CABIN1: variants seen among roughly 807,000 people sequenced by gnomAD.
CABIN1 encodes the protein calcineurin-binding protein cabin-1.
A neutral mutation model predicts 227.7 loss-of-function variants in CABIN1; 133 were observed. The observed-to-expected ratio is 0.58, with a 90% CI of 0.51 to 0.67. CABIN1 has a LOEUF of 0.67. Among genes scored for constraint, CABIN1 ranks in the 30% least tolerant of loss-of-function variants. The pLI is 0.00. For missense variants in CABIN1, 2,408 were observed against 2,852.5 expected (o/e 0.84, Z 3.55); for synonymous variants, 1,086 against 1,155.1 (o/e 0.94, Z 1.21).
chr22:24,098,688 G>A (rs992663542), intron 26 of CABIN1, among the ~76,000 whole-genome samples: 25 of 152,166 alleles, frequency 1.6e-4, no homozygotes, highest in Non-Finnish European at 1.3e-4. Flanking sequence ...GGGGTCACCT[G>A]GGACCATATG....
chr22:24,049,639 C>G (rs1203686250), intron 7 of CABIN1, among the ~76,000 whole-genome samples: 2 of 152,196 alleles, frequency 1.3e-5, no homozygotes, highest in Admixed American at 1.3e-4. Flanking sequence ...ATAGCCCATG[C>G]TCAGTTGCAT....
intron 28 of CABIN1, among the ~76,000 whole-genome samples, chr22:24,122,327 T>C (rs1373273185): frequency 6.6e-6 from 1 of 152,184 alleles, no homozygotes; most frequent in Non-Finnish European, 1.5e-5. Flanking sequence ...CCAGAAGAGT[T>C]TTGGATTTTG....
At chr22:24,146,431 C>G (rs1390758146) in intron 29 of CABIN1, among the ~76,000 whole-genome samples, 1 of 152,230 alleles carries the variant, frequency 6.6e-6, no homozygotes, top group Non-Finnish European at 1.5e-5. Flanking sequence ...CCCCCGTGTT[C>G]AGCCTGGAGC....
chr22:24,123,064 A>G (rs1201219558), intron 28 of CABIN1, among the ~76,000 whole-genome samples: 6 of 152,044 alleles, frequency 3.9e-5, no homozygotes, highest in Non-Finnish European at 7.4e-5. Context: ...TTTTGCTCTT[A>G]CCATGAATGC....
chr22:24,160,087 C>T (rs1284449644), intron 29 of CABIN1, among the ~76,000 whole-genome samples: 1 of 152,176 alleles, frequency 6.6e-6, no homozygotes. Flanking sequence ...TCCCACTTTG[C>T]ATCACTAGGC....
chr22:24,132,930 G>A (rs1186160161), intron 28 of CABIN1, among the ~76,000 whole-genome samples: 1 of 152,160 alleles, frequency 6.6e-6, no homozygotes, highest in African/African-American at 2.4e-5. Flanking sequence ...TTCCTCCTAG[G>A]GTGCTAGAGC....
intron 27 of CABIN1, among the ~76,000 whole-genome samples, chr22:24,117,674 T>C (rs949786431): frequency 3.3e-5 from 5 of 152,334 alleles, no homozygotes; most frequent in Admixed American, 2.6e-4. Flanking sequence ...GCTGTTTTCT[T>C]CCTCTTTATG....
At chr22:24,097,836 C>CTGTG (rs1466507401) in intron 25 of CABIN1, among the ~76,000 whole-genome samples, 178 bp from the exon 26 acceptor site, 1 of 152,210 alleles carries the variant, frequency 6.6e-6, no homozygotes, top group Admixed American at 6.5e-5. Context: ...GAGCCAGAGC[C>CTGTG]TGTGTGGGTG....
chr22:24,137,785 TG>T (rs143256287), intron 29 of CABIN1, among the ~76,000 whole-genome samples: 6,523 of 152,334 alleles, frequency 0.043, 269 homozygotes, highest in African/African-American at 0.1. Context: ...TTCCCAAGTC[TG>T]GGGAAACTGC....
At chr22:24,115,325 T>G (rs2043021557) in intron 27 of CABIN1, among the ~76,000 whole-genome samples, 1 of 152,170 alleles carries the variant, frequency 6.6e-6, no homozygotes, top group Admixed American at 6.5e-5. Context: ...TCTAGACTCA[T>G]GAAGAGTGTC....
intron 13 of CABIN1, 126 bp from the exon 14 acceptor site, chr22:24,062,833 T>A: frequency 1.1e-6 from 1 of 892,864 alleles, no homozygotes; most frequent in African/African-American, 1.6e-5. Context: ...GCTGTAGGGC[T>A]CTGAGGGGCT....
intron 28 of CABIN1, among the ~76,000 whole-genome samples, chr22:24,128,758 T>C (rs1185793227): frequency 6.6e-6 from 1 of 152,236 alleles, no homozygotes; most frequent in African/African-American, 2.4e-5. Context: ...GGTGAAGGGC[T>C]GAACACAGCT....
chr22:24,135,272 C>T (rs1484801294), intron 29 of CABIN1, among the ~76,000 whole-genome samples: 6 of 151,766 alleles, frequency 4.0e-5, no homozygotes, highest in African/African-American at 1.5e-4. Context: ...CACCTGTAAT[C>T]CCAGCTACTC....
intron 29 of CABIN1, among the ~76,000 whole-genome samples, chr22:24,141,719 C>G (rs2044771981): frequency 6.6e-6 from 1 of 152,184 alleles, no homozygotes; most frequent in Non-Finnish European, 1.5e-5. Context: ...GAGCCTCTTC[C>G]CACACCGGTA....
intron 19 of CABIN1, among the ~76,000 whole-genome samples, chr22:24,077,715 G>A (rs551047420): frequency 3.9e-5 from 6 of 152,282 alleles, no homozygotes; most frequent in Non-Finnish European, 8.8e-5. Flanking sequence ...CCTCTGCAGG[G>A]ACAGTCTCTG....
At chr22:24,080,026 C>T (rs2040705879) in intron 19 of CABIN1, among the ~76,000 whole-genome samples, 1 of 152,150 alleles carries the variant, frequency 6.6e-6, no homozygotes. Flanking sequence ...TTCCCTCTCA[C>T]AAAATTATGT....
chr22:24,116,008 T>C (rs1406472312), intron 27 of CABIN1, among the ~76,000 whole-genome samples: 1 of 152,164 alleles, frequency 6.6e-6, no homozygotes, highest in Non-Finnish European at 1.5e-5. Flanking sequence ...ATGCGCTCCC[T>C]CCCACCGTGT....
intron 16 of CABIN1, among the ~76,000 whole-genome samples, chr22:24,067,849 G>C (rs116137092): frequency 0.012 from 1,869 of 152,270 alleles, 35 homozygotes; most frequent in African/African-American, 0.043. Flanking sequence ...CCTGGCACTA[G>C]CAGGTGCTGT....
intron 26 of CABIN1, among the ~76,000 whole-genome samples, chr22:24,111,985 G>A (rs1366300681): frequency 3.3e-5 from 5 of 152,038 alleles, no homozygotes; most frequent in Non-Finnish European, 7.4e-5. Flanking sequence ...GTCTCTTCAT[G>A]CATATTGTTC....
Sources: allele counts gnomAD v4.1 joint callset (sites outside exome capture counted in the v4.1 genomes callset), GRCh38; gene constraint gnomAD v4.1.1; transcripts MANE v1.5; gene names NCBI Gene and HGNC (gene_info 2026-07-23, HGNC 2026-07-21).